The following SCHIP1 variants were observed in gnomAD, a reference collection of about 807,000 sequenced individuals.
SCHIP1 encodes the protein schwannomin interacting protein 1.
In SCHIP1, 8 loss-of-function variants were observed where a neutral mutation model predicts 29.7. That is an observed-to-expected ratio of 0.27 (90% CI 0.16 to 0.49). The LOEUF (loss-of-function observed/expected upper bound fraction) is 0.49, where lower values mean the gene tolerates loss of function less well. Ranked by LOEUF, SCHIP1 falls within the 20% of genes least tolerant of loss-of-function variation. The pLI is 0.99. For missense variants in SCHIP1, 193 were observed against 294.6 expected (o/e 0.66, Z 2.52); for synonymous variants, 76 against 94.9 (o/e 0.80, Z 1.16).
the SCHIP1 span, among the ~76,000 whole-genome samples, chr3:159,507,916 G>T: frequency 6.6e-6 from 1 of 152,204 alleles, no homozygotes; most frequent in African/African-American, 2.4e-5. Context: ...AGGGATATTG[G>T]TCTAAAATTC....
chr3:159,423,452 T>A, the SCHIP1 span, among the ~76,000 whole-genome samples: 1 of 152,128 alleles, frequency 6.6e-6, no homozygotes, highest in Non-Finnish European at 1.5e-5. Context: ...GTCTTGCTGA[T>A]CACTAGCACA....
chr3:159,354,547 A>G, the SCHIP1 span, among the ~76,000 whole-genome samples: 3 of 152,224 alleles, frequency 2.0e-5, no homozygotes, highest in African/African-American at 4.8e-5. Flanking sequence ...TTTCTATAAC[A>G]TTCTTCTTAT....
chr3:159,382,444 T>G, the SCHIP1 span, among the ~76,000 whole-genome samples: 39 of 151,794 alleles, frequency 2.6e-4, no homozygotes, highest in African/African-American at 8.9e-4. Flanking sequence ...AACTCATCAT[T>G]TTTTATGGCT....
At chr3:159,398,841 A>AAGTTTTTGTTCATGTTG in the SCHIP1 span, 1 of 247,606 alleles carries the variant, frequency 4.0e-6, no homozygotes, top group African/African-American at 2.3e-5. Context: ...GGAATATGTT[A>AAGTTTTTGTTCATGTTG]AGTTTTTGTT....
chr3:159,866,313 T>C, intron 2 of SCHIP1, 32 bp downstream of exon 3: 11 of 1,572,974 alleles, frequency 7.0e-6, no homozygotes, highest in Non-Finnish European at 9.6e-6. Flanking sequence ...ATTTCTGATA[T>C]GTACACAGTG....
chr3:159,594,124 GC>G, the SCHIP1 span, among the ~76,000 whole-genome samples: 1 of 152,044 alleles, frequency 6.6e-6, no homozygotes, highest in Non-Finnish European at 1.5e-5. Flanking sequence ...CCAGGATGCA[GC>G]TGCCTTTATC....
the SCHIP1 span, among the ~76,000 whole-genome samples, chr3:159,452,018 G>C: frequency 1.3e-5 from 2 of 152,080 alleles, no homozygotes; most frequent in Non-Finnish European, 2.9e-5. Flanking sequence ...AGATGTGTTT[G>C]AGAAAGTGAA....
At chr3:159,478,904 G>A in the SCHIP1 span, among the ~76,000 whole-genome samples, 4 of 151,956 alleles carry the variant, frequency 2.6e-5, no homozygotes, top group Non-Finnish European at 4.4e-5. Context: ...TTTGTATGAC[G>A]ATTTTGTATC....
At chr3:159,656,143 A>T in the SCHIP1 span, among the ~76,000 whole-genome samples, 97 of 152,314 alleles carry the variant, frequency 6.4e-4, no homozygotes, top group South Asian at 1.0e-2. Context: ...AGAATCTTCT[A>T]TGGTAAGCAA....
At chr3:159,553,194 C>T in the SCHIP1 span, among the ~76,000 whole-genome samples, 1 of 149,310 alleles carries the variant, frequency 6.7e-6, no homozygotes, top group South Asian at 2.1e-4. Flanking sequence ...ATTTTGAAAG[C>T]ACAACTAGAT....
chr3:159,407,680 A>G, the SCHIP1 span, among the ~76,000 whole-genome samples: 1 of 152,230 alleles, frequency 6.6e-6, no homozygotes, highest in Non-Finnish European at 1.5e-5. Context: ...ATAATATTAC[A>G]TATCTTCTCT....
At chr3:159,554,865 T>G in the SCHIP1 span, among the ~76,000 whole-genome samples, 1 of 152,074 alleles carries the variant, frequency 6.6e-6, no homozygotes, top group South Asian at 2.1e-4. Flanking sequence ...TGGCAAATAC[T>G]ACTAAGCCCA....
the SCHIP1 span, among the ~76,000 whole-genome samples, chr3:159,824,348 T>G: frequency 2.0e-5 from 3 of 152,142 alleles, no homozygotes; most frequent in Non-Finnish European, 4.4e-5. Flanking sequence ...GTCCAAGAGG[T>G]GTAGCCTTGA....
chr3:159,561,044 C>G, the SCHIP1 span, among the ~76,000 whole-genome samples: 1 of 152,094 alleles, frequency 6.6e-6, no homozygotes, highest in Non-Finnish European at 1.5e-5. Context: ...ATAATCCTGA[C>G]GTTTATACAC....
At chr3:159,813,391 G>A in the SCHIP1 span, among the ~76,000 whole-genome samples, 1 of 152,182 alleles carries the variant, frequency 6.6e-6, no homozygotes. Context: ...TGGCAGTTCT[G>A]TGATTGCTGA....
the SCHIP1 span, among the ~76,000 whole-genome samples, chr3:159,798,808 C>G: frequency 1.3e-5 from 2 of 152,206 alleles, no homozygotes; most frequent in East Asian, 1.9e-4. Flanking sequence ...AACAGCCAAA[C>G]AAGGCTTATT....
the SCHIP1 span, among the ~76,000 whole-genome samples, chr3:159,590,576 G>GA: frequency 1.3e-4 from 20 of 149,772 alleles, no homozygotes; most frequent in East Asian, 3.5e-3. Flanking sequence ...ACACCATCTT[G>GA]AAAAAAATAA....
chr3:159,586,214 T>G, the SCHIP1 span, among the ~76,000 whole-genome samples: 1 of 151,890 alleles, frequency 6.6e-6, no homozygotes, highest in African/African-American at 2.4e-5. Context: ...GCCACAGGGA[T>G]GTCTATTTCT....
the SCHIP1 span, among the ~76,000 whole-genome samples, chr3:159,774,898 C>A: frequency 5.9e-5 from 9 of 152,180 alleles, no homozygotes; most frequent in African/African-American, 2.2e-4. Context: ...TATGTGTAAT[C>A]AAATAACCTC....
Sources: gnomAD v4.1 joint callset for allele counts (sites outside exome capture counted in the v4.1 genomes callset) on GRCh38, gnomAD v4.1.1 for gene constraint, MANE v1.5 for transcripts, NCBI Gene and HGNC (gene_info 2026-07-23, HGNC 2026-07-21) for gene names.